Variants in COPZ1 observed in about 807,000 individuals in gnomAD.
The protein encoded by COPZ1 is coatomer subunit zeta-1.
Under a neutral mutation model 31.7 loss-of-function variants are expected in COPZ1, and 4 were observed. The observed-to-expected ratio is 0.13, with a 90% CI of 0.06 to 0.29. COPZ1 has a LOEUF of 0.29. Among genes scored for constraint, COPZ1 ranks in the 10% least tolerant of loss-of-function variants. The pLI, the probability that COPZ1 is intolerant of heterozygous loss-of-function variation, is 1.00. For synonymous variants in COPZ1, 74 were observed against 79.0 expected (o/e 0.94, Z 0.33); for missense variants, 156 against 211.5 (o/e 0.74, Z 1.63).
At chr12:54,342,080 C>T (rs1345961068) in intron 2 of COPZ1, 126 bp from the exon 3 acceptor site, 3 of 666,712 alleles carry the variant, frequency 4.5e-6, no homozygotes, top group Non-Finnish European at 8.1e-6. Context: ...TTTTCCATGT[C>T]AGTATTTCTC....
chr12:54,328,232 C>T (rs1192233496), intron 1 of COPZ1, among the ~76,000 whole-genome samples: 6 of 146,006 alleles, frequency 4.1e-5, no homozygotes, highest in East Asian at 2.1e-4. Context: ...GCCGAGATCG[C>T]GCCACTGCAC....
intron 5 of COPZ1, among the ~76,000 whole-genome samples, 181 bp downstream of exon 5, chr12:54,345,696 GTT>G: frequency 6.6e-6 from 1 of 152,142 alleles, no homozygotes; most frequent in African/African-American, 2.4e-5. Flanking sequence ...AGTGGCTCAC[GTT>G]CGTAATCCCA....
In COPZ1 at chr12:54,347,981, CTCT is replaced by C. The variant is rs769065100; in HGVS notation, c.396-14_396-12del. 1.2e-6 allele frequency: 2 copies of C among 1,613,000 alleles called. No individual in the cohort carries two copies. Among genetic ancestry groups the C allele is most frequent in the Admixed American group, 3.3e-5 (2 of 60,004 alleles). ...CCTTCGGGACAGAGTGAACAATGATCTCTTCTTTGTTTTTGCAGGGTGATCCTA... is the reference window on the plus strand; with the variant it reads ...CCTTCGGGACAGAGTGAACAATGATCTCTTTGTTTTTGCAGGGTGATCCTA... On this transcript the variant is annotated splice_polypyrimidine_tract_variant and intron_variant, in intron 6 of 8. Transcript: ENST00000262061.
At chr12:54,338,079 A>T (rs998276883) in intron 1 of COPZ1, among the ~76,000 whole-genome samples, 6 of 152,140 alleles carry the variant, frequency 3.9e-5, no homozygotes, top group African/African-American at 1.4e-4. Flanking sequence ...GGTTCTAGGG[A>T]TGCCAAACTC....
At chr12:54,345,289 G>A (rs1191233879) in intron 4 of COPZ1, among the ~76,000 whole-genome samples, 171 bp from the exon 5 acceptor site, 2 of 152,206 alleles carry the variant, frequency 1.3e-5, no homozygotes, top group East Asian at 3.8e-4. Flanking sequence ...ATTTATTTCT[G>A]TGAGAAATCA....
intron 2 of COPZ1, among the ~76,000 whole-genome samples, chr12:54,341,030 G>C (rs181366875): frequency 1.6e-4 from 24 of 152,266 alleles, no homozygotes; most frequent in Non-Finnish European, 2.9e-4. Flanking sequence ...GCCTACTCCA[G>C]ATAAAACCTG....
intron 2 of COPZ1, among the ~76,000 whole-genome samples, 182 bp downstream of exon 2, chr12:54,340,797 C>T (rs1953960769): frequency 6.6e-6 from 1 of 151,780 alleles, no homozygotes; most frequent in Non-Finnish European, 1.5e-5. Flanking sequence ...AATGGCGTGA[C>T]CTTGGCTCAC....
intron 1 of COPZ1, among the ~76,000 whole-genome samples, chr12:54,333,361 A>C (rs1428241113): frequency 1.3e-5 from 2 of 152,190 alleles, no homozygotes; most frequent in Admixed American, 6.5e-5. Flanking sequence ...AAATCATAAA[A>C]AAATTTGTGA....
intron 3 of COPZ1, 56 bp downstream of exon 3, chr12:54,342,343 G>GGGT (rs1953986300): frequency 7.7e-7 from 1 of 1,292,102 alleles, no homozygotes; most frequent in African/African-American, 1.5e-5. Context: ...GGTGGAAAGG[G>GGGT]GGTGGTAACA....
intron 1 of COPZ1, among the ~76,000 whole-genome samples, chr12:54,327,923 C>G (rs891888177): frequency 6.6e-6 from 1 of 151,900 alleles, no homozygotes; most frequent in African/African-American, 2.4e-5. Context: ...AATTGGGGAG[C>G]CCTTTTAACA....
chr12:54,332,748 G>GA (rs879588116), intron 1 of COPZ1, among the ~76,000 whole-genome samples: 2,904 of 143,626 alleles, frequency 0.02, 103 homozygotes, highest in African/African-American at 0.069. Context: ...AAAAAAAAGG[G>GA]AAAAAAAAAA....
chr12:54,343,176 C>T (rs1447586155), intron 3 of COPZ1, 49 bp from the exon 4 acceptor site: 1 of 1,443,794 alleles, frequency 6.9e-7, no homozygotes. Flanking sequence ...TTCTTTCCTA[C>T]TTCCTTATCT....
At chr12:54,345,324 C>CA in intron 4 of COPZ1, 136 bp from the exon 5 acceptor site, 1 of 599,352 alleles carries the variant, frequency 1.7e-6, no homozygotes, top group Non-Finnish European at 3.0e-6. Flanking sequence ...GTTGTGCTCT[C>CA]ACTTCCACTT....
intron 7 of COPZ1, among the ~76,000 whole-genome samples, chr12:54,348,836 C>G (rs1186479474): frequency 6.6e-6 from 1 of 152,226 alleles, no homozygotes; most frequent in Non-Finnish European, 1.5e-5. Flanking sequence ...CCTCAGTCCT[C>G]TTTGGTGCTG....
chr12:54,332,091 G>A (rs1211883084), intron 1 of COPZ1, among the ~76,000 whole-genome samples: 11 of 152,106 alleles, frequency 7.2e-5, no homozygotes, highest in African/African-American at 1.4e-4. Context: ...TTGGGAGGCC[G>A]AGGCGGGCGG....
intron 1 of COPZ1, among the ~76,000 whole-genome samples, chr12:54,328,776 G>A (rs1953704919): frequency 6.6e-6 from 1 of 152,100 alleles, no homozygotes; most frequent in Admixed American, 6.6e-5. Flanking sequence ...TTTGTTATGG[G>A]AAACCTATGT....
At chr12:54,343,914 T>C (rs1315995518) in intron 4 of COPZ1, among the ~76,000 whole-genome samples, 2 of 152,232 alleles carry the variant, frequency 1.3e-5, no homozygotes, top group East Asian at 1.9e-4. Context: ...TATATTGTTA[T>C]TTAAACCTCA....
At chr12:54,340,327 A>G (rs1592205275) in intron 1 of COPZ1, 1 of 625,430 alleles carries the variant, frequency 1.6e-6, no homozygotes, top group East Asian at 3.0e-5. Flanking sequence ...CTCTGATGGT[A>G]CTTTGGAATC....
At chr12:54,349,856 CT>C (rs1954118802) in intron 8 of COPZ1, 198 bp downstream of exon 8, 1 of 657,352 alleles carries the variant, frequency 1.5e-6, no homozygotes, top group South Asian at 1.7e-5. Flanking sequence ...TCTCAGTTAC[CT>C]GTGAGCAGTG....
Sources: gnomAD v4.1 joint callset for allele counts (sites outside exome capture counted in the v4.1 genomes callset) on GRCh38, gnomAD v4.1.1 for gene constraint, MANE v1.5 for transcripts, NCBI Gene and HGNC (gene_info 2026-07-23, HGNC 2026-07-21) for gene names.